PRKG1: variants seen among roughly 807,000 people sequenced by gnomAD.
PRKG1 encodes the protein protein kinase cGMP-dependent 1.
PRKG1 carries 35 observed loss-of-function variants against 88.1 expected under a neutral mutation model. The ratio of observed to expected loss-of-function variants is 0.40; its 90% CI spans 0.30 to 0.53. The LOEUF (loss-of-function observed/expected upper bound fraction) is 0.53, where lower values mean the gene tolerates loss of function less well. PRKG1 is among the 20% of genes least tolerant of loss of function. The probability of loss-of-function intolerance (pLI) is 0.59; values close to 1 mark genes in which losing one functional copy is unlikely to be tolerated. For synonymous variants in PRKG1, 303 were observed against 292.5 expected (o/e 1.04, Z -0.37); for missense variants, 540 against 839.8 (o/e 0.64, Z 4.41).
At chr10:51,852,979 A>C (rs1443249634) in intron 4 of PRKG1, among the ~76,000 whole-genome samples, 1 of 152,176 alleles carries the variant, frequency 6.6e-6, no homozygotes, top group Non-Finnish European at 1.5e-5. Context: ...GCCTAAGGAA[A>C]ATATATAATC....
At chr10:51,268,481 T>G (rs1038780033) in intron 2 of PRKG1, among the ~76,000 whole-genome samples, 1 of 152,156 alleles carries the variant, frequency 6.6e-6, no homozygotes, top group Non-Finnish European at 1.5e-5. Context: ...TTCTCAGGGA[T>G]GTTCCTTGCT....
intron 4 of PRKG1, among the ~76,000 whole-genome samples, chr10:51,875,689 A>G (rs1275174216): frequency 6.6e-6 from 1 of 152,222 alleles, no homozygotes; most frequent in South Asian, 2.1e-4. Flanking sequence ...AAATAATGTG[A>G]TCAAATTTAG....
intron 3 of PRKG1, among the ~76,000 whole-genome samples, chr10:51,680,901 TA>T (rs1190947972): frequency 6.6e-6 from 1 of 152,178 alleles, no homozygotes; most frequent in African/African-American, 2.4e-5. Context: ...GAAAGATGAG[TA>T]AAATGAGCTA....
intron 3 of PRKG1, among the ~76,000 whole-genome samples, chr10:51,710,138 CT>C (rs1841707638): frequency 6.6e-6 from 1 of 152,150 alleles, no homozygotes; most frequent in South Asian, 2.1e-4. Flanking sequence ...TAGCCTTTCT[CT>C]TGAACTTACA....
At chr10:51,175,171 T>C (rs1381620830) in intron 2 of PRKG1, among the ~76,000 whole-genome samples, 1 of 77,788 alleles carries the variant, frequency 1.3e-5, no homozygotes, top group Non-Finnish European at 2.5e-5. Flanking sequence ...TACTAAGCTG[T>C]AGTCAGTATG....
chr10:51,486,224 T>C (rs901177242), intron 3 of PRKG1, among the ~76,000 whole-genome samples: 1 of 152,126 alleles, frequency 6.6e-6, no homozygotes, highest in Non-Finnish European at 1.5e-5. Flanking sequence ...TATGTCCCCT[T>C]TCACTGATAC....
At chr10:51,882,590 CA>C (rs1479721200) in intron 4 of PRKG1, among the ~76,000 whole-genome samples, 1 of 152,166 alleles carries the variant, frequency 6.6e-6, no homozygotes, top group Non-Finnish European at 1.5e-5. Context: ...ATATGCAAGT[CA>C]CATAGAGGAG....
intron 8 of PRKG1, among the ~76,000 whole-genome samples, chr10:52,146,060 C>T (rs1329448183): frequency 3.3e-5 from 5 of 152,190 alleles, no homozygotes; most frequent in Admixed American, 3.3e-4. Flanking sequence ...GTGTTGTCCT[C>T]CTAGCTGCAC....
intron 2 of PRKG1, among the ~76,000 whole-genome samples, chr10:51,236,152 G>C (rs1838982158): frequency 6.6e-6 from 1 of 152,074 alleles, no homozygotes; most frequent in Non-Finnish European, 1.5e-5. Flanking sequence ...GAAGTCATTT[G>C]ACCTCTTAGC....
At chr10:51,529,510 C>T (rs545436548) in intron 3 of PRKG1, among the ~76,000 whole-genome samples, 2 of 152,282 alleles carry the variant, frequency 1.3e-5, no homozygotes, top group South Asian at 4.1e-4. Flanking sequence ...TCTTTATAGC[C>T]AGACTCCCCA....
In PRKG1 at chr10:51,031,834, G is replaced by A. The variant is rs372729747; in HGVS notation, c.266+40190G>A. On this transcript the variant is annotated intron_variant, in intron 1 of 17. Transcript: ENST00000401604. ...TATCTCATCATATGAATAGAAATAT[G>A]CCAGTTATGTTAAGCAGAAATTATG... 3.9e-5 allele frequency among the ~76,000 whole-genome samples: 6 copies of A among 152,196 alleles called. No individual in the cohort carries two copies. The East Asian group carries it at 9.6e-4, about 24-fold the overall frequency.
chr10:51,815,202 G>A lies in PRKG1; in HGVS notation c.698+10512G>A, dbSNP rs567665917. Among the ~76,000 whole-genome samples the A allele has an allele frequency of 2.3e-4, 35 of 152,264 alleles. No individual in the cohort carries two copies. The South Asian group carries it at 5.8e-3, about 25-fold the overall frequency. On this transcript the variant is annotated intron_variant, in intron 4 of 17. Transcript: ENST00000373980. Reference sequence around the variant, plus strand: ...AAGCAGTTTAATATTCCTCTAGCCTGTTGTAGCTTTGAACCTTATAAATCT... The same window carrying A: ...AAGCAGTTTAATATTCCTCTAGCCTATTGTAGCTTTGAACCTTATAAATCT...
At chr10:51,294,457 T>C (rs561580367) in intron 2 of PRKG1, among the ~76,000 whole-genome samples, 1 of 150,594 alleles carries the variant, frequency 6.6e-6, no homozygotes, top group East Asian at 2.0e-4. Flanking sequence ...CCCAACATAA[T>C]TTATTTAGGA....
intron 1 of PRKG1, among the ~76,000 whole-genome samples, chr10:51,094,190 C>T (rs1307078077): frequency 6.6e-6 from 1 of 151,856 alleles, no homozygotes; most frequent in African/African-American, 2.4e-5. Context: ...ATAGAAAACA[C>T]TTATGCAGTG....
intron 4 of PRKG1, among the ~76,000 whole-genome samples, chr10:51,868,960 C>T (rs1465654884): frequency 2.0e-5 from 3 of 152,150 alleles, no homozygotes; most frequent in Non-Finnish European, 4.4e-5. Context: ...TTTAAATGTG[C>T]TTAGGGCATT....
chr10:51,326,608 A>T (rs567795288), intron 2 of PRKG1, among the ~76,000 whole-genome samples: 2 of 152,286 alleles, frequency 1.3e-5, no homozygotes, highest in African/African-American at 4.8e-5. Flanking sequence ...AAAATAGCTA[A>T]TTTTCTTTCT....
At chr10:51,694,916 CAGAGT>C (rs1473969549) in intron 3 of PRKG1, among the ~76,000 whole-genome samples, 1 of 152,174 alleles carries the variant, frequency 6.6e-6, no homozygotes. Flanking sequence ...TTAGCTTTCA[CAGAGT>C]AGAGGTGATT....
At chr10:51,318,564 G>C (rs1369348106) in intron 2 of PRKG1, among the ~76,000 whole-genome samples, 1 of 152,184 alleles carries the variant, frequency 6.6e-6, no homozygotes, top group African/African-American at 2.4e-5. Flanking sequence ...ATCACATAAA[G>C]GGGTGGAGTC....
chr10:51,113,180 A>G (rs1845019276), intron 1 of PRKG1, among the ~76,000 whole-genome samples: 1 of 152,224 alleles, frequency 6.6e-6, no homozygotes. Context: ...TAAAATAGAC[A>G]TGGATACTGA....
Sources: allele counts gnomAD v4.1 joint callset (sites outside exome capture counted in the v4.1 genomes callset), GRCh38; gene constraint gnomAD v4.1.1; transcripts MANE v1.5; gene names NCBI Gene and HGNC (gene_info 2026-07-23, HGNC 2026-07-21).